NPAS3: variants seen among roughly 807,000 people sequenced by gnomAD.
NPAS3 encodes neuronal PAS domain-containing protein 3.
A neutral mutation model predicts 73.1 loss-of-function variants in NPAS3; 14 were observed. That is an observed-to-expected ratio of 0.19 (90% confidence interval 0.13 to 0.30). NPAS3 has a LOEUF of 0.30. Ranked by LOEUF, NPAS3 falls within the 10% of genes least tolerant of loss-of-function variation. The pLI, the probability that NPAS3 is intolerant of heterozygous loss-of-function variation, is 1.00. For missense variants in NPAS3, 1,096 were observed against 1,250.0 expected, an observed-to-expected ratio of 0.88 and a Z score of 1.86; for synonymous variants, 620 against 541.5, an observed-to-expected ratio of 1.14 and a Z score of -2.01.
chr14:33,446,968 A>C (rs1451097010), intron 4 of NPAS3, among the ~76,000 whole-genome samples: 1 of 152,256 alleles, frequency 6.6e-6, no homozygotes, highest in Non-Finnish European at 1.5e-5. Context: ...TGCATAATGC[A>C]TCTTACAAAT....
chr14:33,368,655 A>G (rs1008938941), intron 4 of NPAS3, among the ~76,000 whole-genome samples: 1 of 152,174 alleles, frequency 6.6e-6, no homozygotes, highest in African/African-American at 2.4e-5. Flanking sequence ...ATGTTTCTTG[A>G]AATACACCTT....
intron 5 of NPAS3, among the ~76,000 whole-genome samples, chr14:33,673,572 G>A (rs541877836): frequency 7.8e-4 from 118 of 152,240 alleles, no homozygotes; most frequent in South Asian, 1.9e-3. Context: ...ACATGTTTGC[G>A]GTGATTACTT....
At chr14:32,941,806 A>T (rs146510177) in intron 1 of NPAS3, among the ~76,000 whole-genome samples, 3,125 of 152,242 alleles carry the variant, frequency 0.021, 102 homozygotes, top group African/African-American at 0.064. Context: ...GGAAGGAGTT[A>T]TAAACTAAAC....
intron 7 of NPAS3, among the ~76,000 whole-genome samples, chr14:33,768,059 A>C (rs2140865663): frequency 6.6e-6 from 1 of 152,346 alleles, no homozygotes; most frequent in East Asian, 1.9e-4. Flanking sequence ...GCAGAGAAGA[A>C]AAATAAAAGT....
chr14:33,363,330 A>C (rs1358055036), intron 3 of NPAS3, among the ~76,000 whole-genome samples: 2 of 152,168 alleles, frequency 1.3e-5, no homozygotes, highest in African/African-American at 4.8e-5. Flanking sequence ...CCAGATTAGA[A>C]CTTTCCTGCT....
chr14:33,735,173 A>G (rs1240753408), intron 6 of NPAS3, 41 bp from the exon 7 acceptor site: 1 of 1,431,604 alleles, frequency 7.0e-7, no homozygotes. Flanking sequence ...GGGCTGTGTC[A>G]AGATCTAAAT....
chr14:32,971,088 C>T (rs1367485039), intron 1 of NPAS3, among the ~76,000 whole-genome samples: 3 of 142,194 alleles, frequency 2.1e-5, no homozygotes, highest in Admixed American at 7.0e-5. Context: ...TTTCTTTTTT[C>T]TTTTTTTTTT....
intron 4 of NPAS3, among the ~76,000 whole-genome samples, chr14:33,502,432 T>C (rs1243111651): frequency 6.6e-6 from 1 of 151,946 alleles, no homozygotes; most frequent in African/African-American, 2.4e-5. Context: ...CTGCTCTTCG[T>C]TGGGGAGAGC....
chr14:33,065,915 C>T (rs985062713), intron 2 of NPAS3, among the ~76,000 whole-genome samples: 1 of 152,100 alleles, frequency 6.6e-6, no homozygotes, highest in Non-Finnish European at 1.5e-5. Flanking sequence ...GATGATTCTT[C>T]TCTTTGCTTC....
chr14:33,771,014 T>C (rs1042972092), intron 7 of NPAS3, among the ~76,000 whole-genome samples: 37 of 152,342 alleles, frequency 2.4e-4, no homozygotes, highest in African/African-American at 8.7e-4. Context: ...ATTGTCTTAG[T>C]ATCACAGTTG....
At chr14:33,154,429 G>A (rs2044573994) in intron 2 of NPAS3, among the ~76,000 whole-genome samples, 1 of 152,226 alleles carries the variant, frequency 6.6e-6, no homozygotes, top group South Asian at 2.1e-4. Context: ...GTCGGAAGCT[G>A]CGCTTTGAGC....
intron 2 of NPAS3, among the ~76,000 whole-genome samples, chr14:33,186,453 A>C (rs182445836): frequency 6.6e-6 from 1 of 152,244 alleles, no homozygotes; most frequent in African/African-American, 2.4e-5. Context: ...CTGGTGACTC[A>C]ATTATTTTAC....
intron 2 of NPAS3, among the ~76,000 whole-genome samples, chr14:33,184,022 T>C (rs2045896978): frequency 6.6e-6 from 1 of 152,232 alleles, no homozygotes; most frequent in Non-Finnish European, 1.5e-5. Context: ...TTCCTTGATC[T>C]GACCTGAGGT....
At position 33,130,956 on chromosome 14, in the gene NPAS3, G is replaced by A. The variant is rs185461314; in HGVS notation, c.140+74962G>A. Among the ~76,000 whole-genome samples, 187 of 152,180 alleles carry A rather than the reference G, an allele frequency of 1.2e-3. 4 individuals carry two copies. Among genetic ancestry groups the A allele is most frequent in the Admixed American group, 0.011 (170 of 15,264 alleles). ...GGCTTTCACTTCCAGAAGGGACAAC[G>A]GAAGCCTCAGAGATGGGTATTTATT... On this transcript the variant is annotated intron_variant, in intron 2 of 11. Coordinates refer to ENST00000356141, the Ensembl canonical transcript of NPAS3.
intron 1 of NPAS3, among the ~76,000 whole-genome samples, chr14:33,031,914 G>A (rs192973427): frequency 1.4e-4 from 21 of 152,212 alleles, no homozygotes; most frequent in Admixed American, 4.6e-4. Flanking sequence ...GAATGTAATA[G>A]ACATATAATT....
chr14:33,714,043 C>T (rs751913229), intron 6 of NPAS3, among the ~76,000 whole-genome samples: 18 of 152,016 alleles, frequency 1.2e-4, no homozygotes, highest in Non-Finnish European at 2.5e-4. Flanking sequence ...ATCAGATGCC[C>T]CCTTCTCAGT....
At chr14:33,585,283 G>A (rs1189594685) in intron 5 of NPAS3, among the ~76,000 whole-genome samples, 1 of 152,108 alleles carries the variant, frequency 6.6e-6, no homozygotes, top group African/African-American at 2.4e-5. Flanking sequence ...GTCTGACGAA[G>A]GTTAGCAGTG....
At chr14:33,274,040 G>T (rs1349655140) in intron 3 of NPAS3, among the ~76,000 whole-genome samples, 1 of 152,124 alleles carries the variant, frequency 6.6e-6, no homozygotes, top group Non-Finnish European at 1.5e-5. Flanking sequence ...CAAACCAGAA[G>T]ATGCTGTTTG....
chr14:32,993,370 A>G (rs961347045), intron 1 of NPAS3, among the ~76,000 whole-genome samples: 1 of 152,128 alleles, frequency 6.6e-6, no homozygotes, highest in Non-Finnish European at 1.5e-5. Flanking sequence ...ACTTTTAAGG[A>G]GGCAGTTGAA....
Sources: allele counts gnomAD v4.1 joint callset (sites outside exome capture counted in the v4.1 genomes callset), GRCh38; gene constraint gnomAD v4.1.1; transcripts MANE v1.5; gene names NCBI Gene and HGNC (gene_info 2026-07-23, HGNC 2026-07-21).